The following FBF1 variants were observed in gnomAD, a reference collection of about 807,000 sequenced individuals.
FBF1 encodes the protein Fas binding factor 1, also known as fas-binding factor 1.
In FBF1, 119 loss-of-function variants were observed where a neutral mutation model predicts 147.2. The observed-to-expected ratio is 0.81, with a 90% CI of 0.70 to 0.94. FBF1 has a LOEUF of 0.94. FBF1 is among the 40% of genes least tolerant of loss of function. The pLI is 0.00. For missense variants in FBF1, 1,449 were observed against 1,500.8 expected (o/e 0.97, Z 0.57); for synonymous variants, 601 against 609.0 (o/e 0.99, Z 0.19).
At position 75,923,466 on chromosome 17, in the gene FBF1, T is replaced by C. The variant is rs767052144; in HGVS notation, c.1144A>G (p.Ser382Gly). 1.2e-6 allele frequency: 2 copies of C among 1,609,304 alleles called. No homozygotes were observed. Among genetic ancestry groups the C allele is most frequent in the Non-Finnish European group, 1.7e-6 (2 of 1,178,130 alleles). ...ACTGAGGGCGTGACAGGCACTGAAC[T>C]TTCCCGATGGGCCTCTCTGGTGGGT... The part of the protein sequence containing the change: ...ASPTREAHRE[S>G]SVPVTPSVPP... The change falls in exon 14 of 30, where the codon AGT becomes GGT. Residue 382 changes from serine (S) to glycine (G), a missense_variant. Physicochemically the swap from Ser to Gly is moderately conservative, Grantham distance 56 (BLOSUM62 0). Coordinates refer to ENST00000636174, the MANE Select transcript of FBF1 (RefSeq NM_001319193.2). This position sits in a 1 kb window ranked among gnomAD's most constrained non-coding sequence, Gnocchi z 4.1.
intron 5 of FBF1, 89 bp downstream of exon 5, chr17:75,932,897 AATGGCGAGC>A: frequency 1.2e-6 from 1 of 807,246 alleles, no homozygotes; most frequent in Non-Finnish European, 1.8e-6. Context: ...AAAAAAAAAA[AATGGCGAGC>A]AAATGTGAAG....
At chr17:75,932,049 T>G (rs1363836570) in intron 5 of FBF1, among the ~76,000 whole-genome samples, 1 of 152,200 alleles carries the variant, frequency 6.6e-6, no homozygotes, top group South Asian at 2.1e-4. Flanking sequence ...GCTGACCTTT[T>G]GTGCAGTTCT....
rs1354474812 is a variant in FBF1 at position 75,922,024 on chromosome 17, C to T, written c.1447G>A (p.Gly483Arg). ...CCTCCAGCAGCTGCGTGCTCAAGCC[C>T]TTGTGTGCTGGTGAGAGGTTGGCTG... is the stretch of plus-strand genomic sequence containing the variant. ...SGSQPLTSTQ[G>R]LEHAAAGGSS... is the part of the protein sequence containing the mutation. Residue 483 changes from glycine to arginine, a missense_variant, in exon 15 of 30, where the codon GGG becomes AGG. Coordinates refer to ENST00000636174, the MANE Select transcript of FBF1 (RefSeq NM_001319193.2). This position sits in a 1 kb window ranked among gnomAD's most constrained non-coding sequence, Gnocchi z 5.0. The T allele has an allele frequency of 6.4e-7, 1 of 1,552,012 alleles. No homozygotes were observed. The highest frequency in any genetic ancestry group is 8.7e-7 in the Non-Finnish European group (1 of 1,147,068).
In FBF1 at chr17:75,919,869, C is replaced by A. The variant is rs371761849; in HGVS notation, c.1937G>T (p.Arg646Leu). ...GTACGATGTTTCTAGCACCTTGATGCGGCTTCTGCCAACAGAACACCCAGC... is the reference window on the plus strand; with the variant it reads ...GTACGATGTTTCTAGCACCTTGATGAGGCTTCTGCCAACAGAACACCCAGC... ...LELIESAHRS[R>L]IKVLETSYQQ... is the part of the protein sequence containing the mutation. Residue 646 changes from arginine (R) to leucine (L), a missense_variant, in exon 20 of 30, where the codon CGC (arginine) becomes CTC (leucine). Coordinates refer to ENST00000636174, the MANE Select transcript of FBF1 (RefSeq NM_001319193.2). The surrounding 1 kb of genome is among the most constrained non-coding windows in gnomAD (Gnocchi z 5.0). The A allele has an allele frequency of 1.1e-4, 181 of 1,613,576 alleles. No homozygotes were observed. Among genetic ancestry groups the A allele is most frequent in the Non-Finnish European group, 1.4e-4 (163 of 1,179,884 alleles).
At chr17:75,935,525 G>A in intron 4 of FBF1, 107 bp downstream of exon 4, 2 of 1,185,292 alleles carry the variant, frequency 1.7e-6, no homozygotes, top group Non-Finnish European at 2.3e-6. Context: ...TAGGAGGCGG[G>A]AGGATCATTT....
chr17:75,935,415 C>T (rs1437882234), intron 4 of FBF1, among the ~76,000 whole-genome samples: 1 of 152,074 alleles, frequency 6.6e-6, no homozygotes, highest in Non-Finnish European at 1.5e-5. Context: ...GATTGGCCCT[C>T]CTCCTCCTCC....
chr17:75,926,511 C>A, intron 10 of FBF1, 85 bp from the exon 11 acceptor site: 1 of 1,459,332 alleles, frequency 6.9e-7, no homozygotes, highest in Non-Finnish European at 9.0e-7. Context: ...GGTTTCTCTG[C>A]ACCTTTGGGT....
rs775051080 is a variant in FBF1 at position 75,935,647 on chromosome 17, G to A, written c.58C>T (p.Leu20Phe). The change falls in exon 4 of 30, where the codon CTT becomes TTT. Residue 20 changes from leucine (L) to phenylalanine (F), a missense_variant. Coordinates refer to ENST00000636174, the MANE Select transcript of FBF1 (RefSeq NM_001319193.2). ...KGSIDDFLGDLLGDDMTLPEK... is the reference protein window; with the variant it reads ...KGSIDDFLGDFLGDDMTLPEK... ...GCACACTTACTATCATCCCCTAGAA[G>A]GTCACCAAGAAAATCATCAATGGAG... 18 of 1,536,792 alleles carry A rather than the reference G, an allele frequency of 1.2e-5. No homozygotes were observed.
Position 75,928,133 on chromosome 17 carries a change from T to C in FBF1, c.340A>G (p.Lys114Glu). 6.2e-7 allele frequency: 1 copy of C among 1,613,874 alleles called. No homozygotes were observed. The highest frequency in any genetic ancestry group is 1.3e-5 in the African/African-American group (1 of 75,030). The change falls in exon 8 of 30, where the codon AAA (lysine) becomes GAA (glutamate). Residue 114 changes from lysine to glutamate, a missense_variant. Physicochemically the swap from Lys to Glu is moderately conservative, Grantham distance 56. Coordinates refer to ENST00000636174, the MANE Select transcript of FBF1 (RefSeq NM_001319193.2). The surrounding 1 kb of genome is among the most constrained non-coding windows in gnomAD (Gnocchi z 4.2). ...GLKKSNSAPS[K>E]KAAKDPGKGE... ...TTCCCAGGGTCCTTTGCAGCTTTTT[T>C]GCTAGGGGCTGAATTAGATTTCTTC...
In FBF1 at chr17:75,919,848, G is replaced by C; in HGVS notation, c.1958C>G (p.Ser653Trp). ...GAGCCGCTCCTCCCGTTGCTGGTAC[G>C]ATGTTTCTAGCACCTTGATGCGGCT... ...HRSRIKVLETSYQQREERLRR... is the reference protein window; with the variant it reads ...HRSRIKVLETWYQQREERLRR... The change falls in exon 20 of 30, where the codon TCG (serine) becomes TGG (tryptophan). Residue 653 changes from serine (S) to tryptophan (W), a missense_variant. Coordinates refer to ENST00000636174, the MANE Select transcript of FBF1 (RefSeq NM_001319193.2). This position sits in a 1 kb window ranked among gnomAD's most constrained non-coding sequence, Gnocchi z 5.0. The C allele has an allele frequency of 1.9e-6, 3 of 1,613,814 alleles. No individual in the cohort carries two copies. The highest frequency in any genetic ancestry group is 2.2e-5 in the South Asian group (2 of 91,086).
chr17:75,926,516 T>C (rs1486305564), intron 10 of FBF1, 90 bp from the exon 11 acceptor site: 5 of 1,454,996 alleles, frequency 3.4e-6, no homozygotes, highest in African/African-American at 2.9e-5. Flanking sequence ...CTCTGCACCT[T>C]TGGGTAGGAC....
rs779591678 is a variant in FBF1 at position 75,925,295 on chromosome 17, C to G, written c.968+52G>C. The G allele has an allele frequency of 1.4e-5, 20 of 1,458,962 alleles. No homozygotes were observed. The highest frequency in any genetic ancestry group is 1.9e-5 in the Non-Finnish European group (20 of 1,056,562). The allele number at this position is 1,458,962 out of a possible 1,614,324, so 90.4% of individuals were successfully genotyped here. On this transcript the variant is annotated intron_variant, in intron 13 of 29. Transcript: ENST00000636174. The surrounding 1 kb of genome is among the most constrained non-coding windows in gnomAD (Gnocchi z 5.0). ...GGGGACAGCTGCAGGGGCCTGTCTT[C>G]CCAGTGGCCGACCTGTCTCAAGAGG... is the stretch of plus-strand genomic sequence containing the variant.
chr17:75,929,949 C>A (rs1271120395), intron 7 of FBF1, 48 bp downstream of exon 7: 2 of 424,790 alleles, frequency 4.7e-6, no homozygotes, highest in Non-Finnish European at 4.7e-6. Context: ...ATCATGACCC[C>A]ACCCCACCCA....
At chr17:75,929,319 C>A (rs757493407) in intron 7 of FBF1, among the ~76,000 whole-genome samples, 1 of 151,774 alleles carries the variant, frequency 6.6e-6, no homozygotes, top group Non-Finnish European at 1.5e-5. Flanking sequence ...TGATAGAATG[C>A]GATGGTGTCT....
intron 23 of FBF1, among the ~76,000 whole-genome samples, chr17:75,917,364 A>G (rs1325040448): frequency 4.6e-5 from 7 of 152,268 alleles, no homozygotes; most frequent in Non-Finnish European, 8.8e-5. Context: ...ATGACATTTA[A>G]TGGGCAAGAG....
chr17:75,934,308 G>A (rs2065610859), intron 4 of FBF1, among the ~76,000 whole-genome samples: 1 of 152,194 alleles, frequency 6.6e-6, no homozygotes, highest in South Asian at 2.1e-4. Context: ...GCTCATGCCT[G>A]TAATCCCAAC....
chr17:75,926,565 A>C (rs2065563195), intron 10 of FBF1, 139 bp from the exon 11 acceptor site: 1 of 1,374,952 alleles, frequency 7.3e-7, no homozygotes. Context: ...CACGGGACCC[A>C]ATTCCTCCAG....
At chr17:75,931,794 TA>T (rs893760775) in intron 5 of FBF1, among the ~76,000 whole-genome samples, 133 of 131,812 alleles carry the variant, frequency 1.0e-3, no homozygotes, top group Admixed American at 1.1e-3. Context: ...AAAAATAAAG[TA>T]AAAAAAAAAA....
chr17:75,925,024 G>A lies in FBF1; in HGVS notation c.968+323C>T, dbSNP rs563634901. 2.0e-5 allele frequency among the ~76,000 whole-genome samples: 3 copies of A among 152,270 alleles called. No homozygotes were observed. The highest frequency in any genetic ancestry group is 2.1e-4 in the South Asian group (1 of 4,828). On this transcript the variant is annotated intron_variant, in intron 13 of 29. Coordinates refer to ENST00000636174, the MANE Select transcript of FBF1 (RefSeq NM_001319193.2). This position sits in a 1 kb window ranked among gnomAD's most constrained non-coding sequence, Gnocchi z 5.0. ...AGTATGTTCCTTGGGGAGACCGAGC[G>A]ACATCACAGCCTTTTATGATTTCAG...
Sources: gnomAD v4.1 joint callset for allele counts (sites outside exome capture counted in the v4.1 genomes callset) on GRCh38, gnomAD v4.1.1 for gene constraint, Gnocchi (gnomAD v3.1) non-coding constraint, MANE v1.5 for transcripts, NCBI Gene and HGNC (gene_info 2026-07-23, HGNC 2026-07-21) for gene names.